SMPDL3B: variants seen among roughly 807,000 people sequenced by gnomAD.
SMPDL3B encodes sphingomyelin phosphodiesterase acid like 3B.
SMPDL3B carries 31 observed loss-of-function variants against 37.9 expected under a neutral mutation model. The observed-to-expected ratio is 0.82, with a 90% confidence interval of 0.61 to 1.10. The LOEUF (loss-of-function observed/expected upper bound fraction) is 1.10. Among genes scored for constraint, SMPDL3B ranks in the 50% least tolerant of loss-of-function variants. The pLI is 0.00. For synonymous variants in SMPDL3B, 235 were observed against 242.6 expected, an observed-to-expected ratio of 0.97 and a Z score of 0.29; for missense variants, 525 against 597.8, an observed-to-expected ratio of 0.88 and a Z score of 1.27.
In SMPDL3B at chr1:27,958,532, C is replaced by T; in HGVS notation, c.1062C>T (p.Arg354=). The T allele has an allele frequency of 6.2e-7, 1 of 1,613,792 alleles. No homozygotes were observed. Among genetic ancestry groups the T allele is most frequent in the Non-Finnish European group, 8.5e-7 (1 of 1,179,828 alleles). ...LSQANAQGTP[R]WELEYQLTEA... is the part of the protein sequence containing the mutation. ...AGGCGAATGCTCAGGGGACGCCGCG[C>T]TGGGAGCTCGAGTACCAGCTGACCG... Residue 354 remains arginine (R), a synonymous_variant, in exon 8 of 8, where the codon CGC becomes CGT. Transcript: ENST00000373894. The surrounding 1 kb of genome is among the most constrained non-coding windows in gnomAD (Gnocchi z 5.6).
At chr1:27,940,375 C>T (rs553206741) in intron 1 of SMPDL3B, among the ~76,000 whole-genome samples, 10 of 152,330 alleles carry the variant, frequency 6.6e-5, no homozygotes, top group African/African-American at 1.9e-4. Context: ...TCCTGTCTCT[C>T]ATGGTGAGAG....
chr1:27,958,565 T>G lies in SMPDL3B; in HGVS notation c.1095T>G (p.Tyr365Ter). ...WELEYQLTEA[Y>*]GVPDASAHSM... ...TCGAGTACCAGCTGACCGAGGCCTA[T>G]GGGGTGCCGGACGCCAGCGCCCACT... is the stretch of plus-strand genomic sequence containing the variant. Residue 365 changes from tyrosine (Y) to a stop codon, truncating the protein, a stop_gained, in exon 8 of 8, where the codon TAT (tyrosine) becomes TAG (stop). Coordinates refer to ENST00000373894, the MANE Select transcript of SMPDL3B (RefSeq NM_014474.4). LOFTEE classifies it low-confidence loss of function (END_TRUNC). This position sits in a 1 kb window ranked among gnomAD's most constrained non-coding sequence, Gnocchi z 5.6. The G allele has an allele frequency of 6.2e-7, 1 of 1,613,908 alleles. No homozygotes were observed.
At chr1:27,948,967 G>T in intron 2 of SMPDL3B, 98 bp from the exon 3 acceptor site, 1 of 1,580,810 alleles carries the variant, frequency 6.3e-7, no homozygotes, top group Non-Finnish European at 8.6e-7. Context: ...CTGAGGCCCA[G>T]GTCCATAGGT....
intron 2 of SMPDL3B, among the ~76,000 whole-genome samples, chr1:27,947,283 G>A (rs745556611): frequency 1.3e-5 from 2 of 152,142 alleles, no homozygotes; most frequent in African/African-American, 2.4e-5. Flanking sequence ...TGATCTGCCC[G>A]CCTCAGCCTC....
chr1:27,936,936 G>C (rs921965544), intron 1 of SMPDL3B, among the ~76,000 whole-genome samples: 1 of 152,120 alleles, frequency 6.6e-6, no homozygotes, highest in African/African-American at 2.4e-5. Context: ...CAGGAGAATG[G>C]GGTAAACCCG....
Position 27,935,219 on chromosome 1 carries a change from CTG to C in SMPDL3B, c.37_38del (p.Trp13GlyfsTer6). 6.2e-7 allele frequency: 1 copy of C among 1,613,766 alleles called. No individual in the cohort carries two copies. Among genetic ancestry groups the C allele is most frequent in the Middle Eastern group, 1.6e-4 (1 of 6,062 alleles). ...LLAWLIFLAN[W>X]GGARAEPGKF... ...TCGCCTGGCTGATTTTCCTGGCTAA[CTG>C]GGGAGGTGCCAGGGCTGAACCAGGT... On this transcript the variant is annotated frameshift_variant, in exon 1 of 8. Transcript: ENST00000373894. LOFTEE classifies it high-confidence loss of function.
In SMPDL3B at chr1:27,959,074, C is replaced by T. The variant is rs1409227266; in HGVS notation, c.*236C>T. 3 of 535,220 alleles carry T rather than the reference C, an allele frequency of 5.6e-6. No individual in the cohort carries two copies. Among genetic ancestry groups the T allele is most frequent in the Middle Eastern group, 5.0e-4 (1 of 2,002 alleles). The allele number at this position is 535,220 out of a possible 1,614,324, so 33.2% of individuals were successfully genotyped here. A position where few individuals can be genotyped will look rare whatever the true frequency, so the allele number is the denominator to read the frequency against. On this transcript the variant is annotated 3_prime_UTR_variant, in exon 8 of 8. Coordinates refer to ENST00000373894, the MANE Select transcript of SMPDL3B (RefSeq NM_014474.4). ...CAAACCAGAAACAGAAAAGAAATGA[C>T]GACCCAAGACCCCCCTACAAGCATA... is the stretch of plus-strand genomic sequence containing the variant.
At position 27,954,365 on chromosome 1, in the gene SMPDL3B, T is replaced by C. The variant is rs770140816; in HGVS notation, c.529T>C (p.Cys177Arg). 1.9e-6 allele frequency: 3 copies of C among 1,613,732 alleles called. No homozygotes were observed. The highest frequency in any genetic ancestry group is 1.1e-5 in the South Asian group (1 of 91,068). ...CCTGGCTGTGACAGGTGCCTTCTAC[T>C]GTGAGAAGCTGCCGGGTCCCAGCGG... ...IALFKKGAFY[C>R]EKLPGPSGAG... is the part of the protein sequence containing the mutation. Residue 177 changes from cysteine (C) to arginine (R), a missense_variant, in exon 5 of 8, where the codon TGT (cysteine) becomes CGT (arginine). Cys to Arg is a radical substitution (Grantham distance 180, BLOSUM62 -3). Coordinates refer to ENST00000373894, the MANE Select transcript of SMPDL3B (RefSeq NM_014474.4).
chr1:27,936,662 A>T (rs2090310200), intron 1 of SMPDL3B: 1 of 152,032 alleles, frequency 6.6e-6, no homozygotes, highest in Non-Finnish European at 1.5e-5. Context: ...TGGGGTTTAG[A>T]GGTACTATTT....
intron 3 of SMPDL3B, among the ~76,000 whole-genome samples, chr1:27,949,792 G>A (rs774846974): frequency 2.6e-5 from 4 of 152,158 alleles, no homozygotes; most frequent in Non-Finnish European, 5.9e-5. Context: ...GCTGCCAACT[G>A]GGCGCCTGAG....
At chr1:27,951,345 A>G (rs1307529057) in intron 3 of SMPDL3B, among the ~76,000 whole-genome samples, 1 of 152,190 alleles carries the variant, frequency 6.6e-6, no homozygotes, top group Non-Finnish European at 1.5e-5. Flanking sequence ...GAACACTCCC[A>G]TCTTATAGAT....
At position 27,949,080 on chromosome 1, in the gene SMPDL3B, T is replaced by G; in HGVS notation, c.291T>G (p.His97Gln). 3.7e-6 allele frequency: 6 copies of G among 1,614,236 alleles called. No homozygotes were observed. The highest frequency in any genetic ancestry group is 5.1e-6 in the Non-Finnish European group (6 of 1,180,042). Residue 97 changes from histidine to glutamine, a missense_variant, in exon 3 of 8, where the codon CAT (histidine) becomes CAG (glutamine). His to Gln is a conservative substitution (Grantham distance 24). Coordinates refer to ENST00000373894, the MANE Select transcript of SMPDL3B (RefSeq NM_014474.4). ...TGTTTTGTAGTGATGACACGCCTCA[T>G]GTGCCCGATGAGAAACTGGGAGAGG... ...FILWTGDDTP[H>Q]VPDEKLGEAA... is the part of the protein sequence containing the mutation.
chr1:27,947,717 G>A (rs955376992), intron 2 of SMPDL3B, among the ~76,000 whole-genome samples: 3 of 148,848 alleles, frequency 2.0e-5, no homozygotes, highest in South Asian at 2.1e-4. Context: ...GTGCGATCTC[G>A]GCTCACTGGT....
At position 27,949,199 on chromosome 1, in the gene SMPDL3B, G is replaced by A. The variant is rs77851200; in HGVS notation, c.373+37G>A. ...CCATCAGTCCCTCCACAGTGTTCTC[G>A]GAACTCTAGGCACTGCCTGGCACAG... is the stretch of plus-strand genomic sequence containing the variant. On this transcript the variant is annotated intron_variant, in intron 3 of 7. Transcript: ENST00000373894. The A allele has an allele frequency of 1.3e-3, 2,143 of 1,606,606 alleles. 28 individuals carry two copies. The African/African-American group carries it at 0.024, about 18-fold the overall frequency.
intron 2 of SMPDL3B, among the ~76,000 whole-genome samples, chr1:27,947,457 G>C (rs1236640271): frequency 4.6e-5 from 7 of 151,372 alleles, no homozygotes; most frequent in Non-Finnish European, 1.5e-5. Flanking sequence ...ACTTCTAAGA[G>C]AGCTGCAGTC....
chr1:27,949,136 C>A lies in SMPDL3B; in HGVS notation c.347C>A (p.Thr116Asn). The A allele has an allele frequency of 6.2e-7, 1 of 1,614,222 alleles. No homozygotes were observed. Among genetic ancestry groups the A allele is most frequent in the South Asian group, 1.1e-5 (1 of 91,092 alleles). The change falls in exon 3 of 8, where the codon ACC becomes AAC. Residue 116 changes from threonine (T) to asparagine (N), a missense_variant. Transcript: ENST00000373894. ...AAVLEIVERLTKLIREVFPDT... is the reference protein window; with the variant it reads ...AAVLEIVERLNKLIREVFPDT... Reference sequence around the variant, plus strand: ...GTACTGGAAATTGTGGAACGCCTGACCAAGCTCATCAGAGAGGTCTTTCCA... The same window carrying A: ...GTACTGGAAATTGTGGAACGCCTGAACAAGCTCATCAGAGAGGTCTTTCCA...
Position 27,955,669 on chromosome 1 carries a change from A to G in SMPDL3B, c.691-15A>G. The G allele has an allele frequency of 6.2e-7, 1 of 1,605,014 alleles. No individual in the cohort carries two copies. The highest frequency in any genetic ancestry group is 8.5e-7 in the Non-Finnish European group (1 of 1,173,382). On this transcript the variant is annotated splice_polypyrimidine_tract_variant and intron_variant, in intron 5 of 7. Transcript: ENST00000373894. ...GGGCATCTGTGAGCCTCTTCTGGGA[A>G]CCCCTCCCTTGTAGGTGTACATTGT...
At chr1:27,948,914 T>C in intron 2 of SMPDL3B, 151 bp from the exon 3 acceptor site, 1 of 1,451,396 alleles carries the variant, frequency 6.9e-7, no homozygotes, top group Non-Finnish European at 9.4e-7. Flanking sequence ...CTCTGTCCCA[T>C]CTGACTCCAC....
intron 1 of SMPDL3B, among the ~76,000 whole-genome samples, chr1:27,939,654 C>T (rs1234873498): frequency 2.0e-5 from 3 of 152,052 alleles, no homozygotes; most frequent in Non-Finnish European, 4.4e-5. Context: ...CCCACCTCTA[C>T]AAAAAAGTAC....
Sources: allele counts gnomAD v4.1 joint callset (sites outside exome capture counted in the v4.1 genomes callset), GRCh38; gene constraint gnomAD v4.1.1; non-coding constraint Gnocchi (gnomAD v3.1); transcripts MANE v1.5; gene names NCBI Gene and HGNC (gene_info 2026-07-23, HGNC 2026-07-21).